The following HSD17B12 variants were observed in gnomAD, a reference collection of about 807,000 sequenced individuals.
HSD17B12 encodes hydroxysteroid 17-beta dehydrogenase 12, also known as very-long-chain 3-oxoacyl-CoA reductase.
A neutral mutation model predicts 39.3 loss-of-function variants in HSD17B12; 32 were observed. The observed-to-expected ratio is 0.81, with a 90% confidence interval of 0.61 to 1.09. HSD17B12 has a LOEUF of 1.09. Ranked by LOEUF, HSD17B12 falls within the 50% of genes least tolerant of loss-of-function variation. HSD17B12 has a pLI of 0.00. For synonymous variants in HSD17B12, 150 were observed against 146.7 expected (o/e 1.02, Z -0.16); for missense variants, 342 against 382.9 (o/e 0.89, Z 0.89).
upstream of HSD17B12, among the ~76,000 whole-genome samples, chr11:43,677,770 A>T (rs1416499677): frequency 2.6e-5 from 4 of 152,080 alleles, no homozygotes; most frequent in Non-Finnish European, 2.9e-5. Flanking sequence ...AAGGACATGA[A>T]CTCATCCTTT....
At chr11:43,759,769 G>T (rs1324350330) in intron 3 of HSD17B12, among the ~76,000 whole-genome samples, 1 of 151,242 alleles carries the variant, frequency 6.6e-6, no homozygotes, top group Non-Finnish European at 1.5e-5. Context: ...ACTTTGTCAC[G>T]CAGGCTGGAA....
At position 43,831,071 on chromosome 11, in the gene HSD17B12, G is replaced by A; in HGVS notation, c.536+61G>A. On this transcript the variant is annotated intron_variant, in intron 7 of 10. Transcript: ENST00000278353. This position sits in a 1 kb window ranked among gnomAD's most constrained non-coding sequence, Gnocchi z 4.1. Reference sequence around the variant, plus strand: ...CAGAGCTCATGATTATTTAGAGGGAGAATCCTTGCTTTGAAAAAATCACTG... The same window carrying A: ...CAGAGCTCATGATTATTTAGAGGGAAAATCCTTGCTTTGAAAAAATCACTG... 1.4e-6 allele frequency: 2 copies of A among 1,468,442 alleles called. No homozygotes were observed. The highest frequency in any genetic ancestry group is 2.4e-5 in the East Asian group (1 of 42,082). The allele number at this position is 1,468,442 out of a possible 1,614,324, so 91.0% of individuals were successfully genotyped here. A position where few individuals can be genotyped will look rare whatever the true frequency, so the allele number is the denominator to read the frequency against.
chr11:43,816,327 T>A lies in HSD17B12; in HGVS notation c.457-20T>A. 1 of 1,465,736 alleles carries A rather than the reference T, an allele frequency of 6.8e-7. No individual in the cohort carries two copies. Among genetic ancestry groups the A allele is most frequent in the Non-Finnish European group, 9.2e-7 (1 of 1,081,708 alleles). 90.8% of individuals were successfully genotyped at this position (1,465,736 alleles called of 1,614,324 possible). Reference sequence around the variant, plus strand: ...CTTTCATGATCAAGTGTATATAAAATTCTCAATATTTTTTTGCAGGTGATC... The same window carrying A: ...CTTTCATGATCAAGTGTATATAAAAATCTCAATATTTTTTTGCAGGTGATC... On this transcript the variant is annotated intron_variant, in intron 5 of 10. Transcript: ENST00000278353.
At chr11:43,658,423 C>T in the HSD17B12 span, among the ~76,000 whole-genome samples, 29 of 152,128 alleles carry the variant, frequency 1.9e-4, no homozygotes, top group Non-Finnish European at 7.3e-5. Context: ...ATCTTTGTTC[C>T]GTTTGCTGGT....
At chr11:43,678,430 T>G (rs371454571), upstream of HSD17B12, among the ~76,000 whole-genome samples, 1,442 of 152,328 alleles carry the variant, frequency 9.5e-3, 16 homozygotes, top group Middle Eastern at 0.088. Flanking sequence ...AGAAGCTCTT[T>G]AGTTTAATTA....
intron 5 of HSD17B12, among the ~76,000 whole-genome samples, chr11:43,816,081 G>A (rs1951119861): frequency 1.3e-5 from 2 of 152,156 alleles, no homozygotes; most frequent in African/African-American, 4.8e-5. Context: ...ATTTATTTTA[G>A]ATTTAATGTG....
intron 1 of HSD17B12, among the ~76,000 whole-genome samples, chr11:43,696,707 G>A (rs1334888639): frequency 1.3e-5 from 2 of 152,146 alleles, no homozygotes; most frequent in African/African-American, 2.4e-5. Context: ...AAAGACACAT[G>A]GACACATATG....
intron 3 of HSD17B12, among the ~76,000 whole-genome samples, chr11:43,762,117 C>T (rs745971397): frequency 2.0e-5 from 3 of 151,996 alleles, no homozygotes; most frequent in Non-Finnish European, 4.4e-5. Flanking sequence ...ATTCCAAGAG[C>T]GTTCATTGCA....
intron 1 of HSD17B12, among the ~76,000 whole-genome samples, chr11:43,725,588 C>G (rs1042621504): frequency 2.6e-5 from 4 of 152,132 alleles, no homozygotes; most frequent in Admixed American, 2.0e-4. Context: ...CAATTTTTAT[C>G]AATAATCTAT....
At chr11:43,827,627 T>C (rs1951257955) in intron 6 of HSD17B12, among the ~76,000 whole-genome samples, 1 of 152,226 alleles carries the variant, frequency 6.6e-6, no homozygotes, top group South Asian at 2.1e-4. Context: ...TAAGTCACTT[T>C]TAGTCGTAAC....
intron 9 of HSD17B12, chr11:43,848,643 T>C (rs938700204): frequency 2.6e-5 from 4 of 152,252 alleles, no homozygotes; most frequent in African/African-American, 7.2e-5. Context: ...GAAGATTCTA[T>C]AGCCTCTAAT....
chr11:43,677,580 A>G (rs1198140373), upstream of HSD17B12, among the ~76,000 whole-genome samples: 1 of 152,024 alleles, frequency 6.6e-6, no homozygotes, highest in Non-Finnish European at 1.5e-5. Flanking sequence ...TCCTAATGCT[A>G]TTCCTCCCCA....
At chr11:43,690,630 A>G (rs996216151) in intron 1 of HSD17B12, among the ~76,000 whole-genome samples, 9 of 151,476 alleles carry the variant, frequency 5.9e-5, no homozygotes, top group Non-Finnish European at 1.2e-4. Flanking sequence ...TCTAACAAAT[A>G]TTAGCGGTTT....
chr11:43,833,491 A>T (rs193007318), intron 7 of HSD17B12: 138 of 152,338 alleles, frequency 9.1e-4, no homozygotes, highest in African/African-American at 3.2e-3. Flanking sequence ...CCCACATTTC[A>T]TTGTGCAGAA....
the HSD17B12 span, among the ~76,000 whole-genome samples, chr11:43,598,984 G>A: frequency 6.6e-6 from 1 of 152,200 alleles, no homozygotes; most frequent in Non-Finnish European, 1.5e-5. Flanking sequence ...TGCCAACTCT[G>A]CCACCGATTT....
chr11:43,748,801 C>T (rs751971532), intron 1 of HSD17B12, among the ~76,000 whole-genome samples: 3 of 151,974 alleles, frequency 2.0e-5, no homozygotes, highest in African/African-American at 7.3e-5. Context: ...GCCAGAGTAC[C>T]AGTTTATTTT....
chr11:43,768,199 A>C (rs1950614169), intron 3 of HSD17B12, among the ~76,000 whole-genome samples: 1 of 152,240 alleles, frequency 6.6e-6, no homozygotes, highest in Admixed American at 6.5e-5. Flanking sequence ...TGCATCCCCA[A>C]AACGTAATGT....
chr11:43,776,752 G>A (rs1382764850), intron 3 of HSD17B12, among the ~76,000 whole-genome samples: 2 of 152,262 alleles, frequency 1.3e-5, no homozygotes, highest in East Asian at 1.9e-4. Context: ...TAACGTTTAA[G>A]TCTTTAATCC....
the HSD17B12 span, chr11:43,559,807 T>G: frequency 6.4e-6 from 1 of 155,956 alleles, no homozygotes; most frequent in African/African-American, 2.4e-5. Flanking sequence ...ATGGCAAGAA[T>G]GAAGTCCGAC....
Sources: gnomAD v4.1 joint callset for allele counts (sites outside exome capture counted in the v4.1 genomes callset) on GRCh38, gnomAD v4.1.1 for gene constraint, Gnocchi (gnomAD v3.1) non-coding constraint, MANE v1.5 for transcripts, NCBI Gene and HGNC (gene_info 2026-07-23, HGNC 2026-07-21) for gene names.